Variants in MACROH2A1 observed in about 807,000 individuals in gnomAD.
MACROH2A1 encodes the protein core histone macro-H2A.1.
Under a neutral mutation model 31.6 loss-of-function variants are expected in MACROH2A1, and 2 were observed. The observed-to-expected ratio is 0.06, with a 90% CI of 0.03 to 0.20. The LOEUF (loss-of-function observed/expected upper bound fraction) is 0.20, where lower values mean the gene tolerates loss of function less well. Among genes scored for constraint, MACROH2A1 ranks in the 10% least tolerant of loss-of-function variants. The pLI, the probability that MACROH2A1 is intolerant of heterozygous loss-of-function variation, is 1.00. For synonymous variants in MACROH2A1, 169 were observed against 189.6 expected (o/e 0.89, Z 0.89); for missense variants, 230 against 474.0 (o/e 0.49, Z 4.78).
intron 2 of MACROH2A1, among the ~76,000 whole-genome samples, chr5:135,388,307 G>C (rs1766704428): frequency 6.6e-6 from 1 of 152,134 alleles, no homozygotes; most frequent in Non-Finnish European, 1.5e-5. Flanking sequence ...GAATGAGCAA[G>C]CAGAACATCT....
chr5:135,346,183 A>G, intron 6 of MACROH2A1, 126 bp from the exon 7 acceptor site: 1 of 698,106 alleles, frequency 1.4e-6, no homozygotes, highest in Non-Finnish European at 2.6e-6. Context: ...CAAAACAGGA[A>G]CTAAGCCTTG....
intron 1 of MACROH2A1, among the ~76,000 whole-genome samples, chr5:135,393,642 T>G (rs1767559103): frequency 6.6e-6 from 1 of 152,256 alleles, no homozygotes; most frequent in Non-Finnish European, 1.5e-5. Context: ...TGTTCTTCCT[T>G]CCTTCAGTAA....
chr5:135,373,425 G>A (rs1168324174), intron 2 of MACROH2A1, among the ~76,000 whole-genome samples: 1 of 152,168 alleles, frequency 6.6e-6, no homozygotes, highest in Non-Finnish European at 1.5e-5. Flanking sequence ...TTCTCCAGGA[G>A]CTAGAGGACA....
intron 2 of MACROH2A1, among the ~76,000 whole-genome samples, chr5:135,373,709 T>C (rs1201026881): frequency 6.6e-6 from 1 of 152,078 alleles, no homozygotes; most frequent in African/African-American, 2.4e-5. Flanking sequence ...AGCCCCAGAA[T>C]CCAAGACTCT....
At chr5:135,389,630 G>A (rs999735429) in intron 1 of MACROH2A1, among the ~76,000 whole-genome samples, 1 of 152,188 alleles carries the variant, frequency 6.6e-6, no homozygotes, top group African/African-American at 2.4e-5. Context: ...GTATAGTCAG[G>A]TTGCAGTAAG....
intron 2 of MACROH2A1, among the ~76,000 whole-genome samples, chr5:135,385,818 A>T (rs373331898): frequency 8.5e-5 from 13 of 152,238 alleles, no homozygotes; most frequent in African/African-American, 3.1e-4. Context: ...TACTCCTTGC[A>T]ACACTTTCAG....
At chr5:135,340,918 A>G (rs755259464) in intron 8 of MACROH2A1, among the ~76,000 whole-genome samples, 1 of 152,200 alleles carries the variant, frequency 6.6e-6, no homozygotes, top group Non-Finnish European at 1.5e-5. Flanking sequence ...GTGCTGCCTT[A>G]GGCATTTCCC....
At chr5:135,396,581 C>A (rs1446312411) in intron 1 of MACROH2A1, among the ~76,000 whole-genome samples, 1 of 151,996 alleles carries the variant, frequency 6.6e-6, no homozygotes. Flanking sequence ...TCCCCATCTG[C>A]CCTCCTTTGC....
At chr5:135,359,484 T>G (rs1762571750) in intron 5 of MACROH2A1, 1 of 983,790 alleles carries the variant, frequency 1.0e-6, no homozygotes, top group African/African-American at 1.7e-5. Flanking sequence ...AAAGAATGGT[T>G]AAAAATGTAA....
rs1451001816 is a variant in MACROH2A1, at chr5:135,398,247, T to C, written c.-34+815A>G. Among the ~76,000 whole-genome samples, 4 of 152,062 alleles carry C rather than the reference T, an allele frequency of 2.6e-5. No individual in the cohort carries two copies. The South Asian group carries it at 8.3e-4, about 32-fold the overall frequency. ...TCGCACACCTGTTGTCAGGTGACAC[T>C]GCCAGCAGCATCCTGCACACTCACC... On this transcript the variant is annotated intron_variant, in intron 1 of 8. Coordinates refer to ENST00000511689, the MANE Select transcript of MACROH2A1 (RefSeq NM_138610.3). The surrounding 1 kb of genome is among the most constrained non-coding windows in gnomAD (Gnocchi z 4.6).
chr5:135,350,229 A>C (rs1761350430), intron 6 of MACROH2A1, among the ~76,000 whole-genome samples: 2 of 152,306 alleles, frequency 1.3e-5, no homozygotes, highest in African/African-American at 4.8e-5. Flanking sequence ...GATGTTTCTC[A>C]TGAGTGGTCT....
chr5:135,389,242 T>A (rs1766863076), intron 1 of MACROH2A1, 116 bp from the exon 2 acceptor site: 2 of 632,812 alleles, frequency 3.2e-6, no homozygotes, highest in Non-Finnish European at 5.1e-6. Context: ...CCACTGTCTG[T>A]AGCTGCAGGG....
chr5:135,373,314 T>C (rs1224145214), intron 2 of MACROH2A1, among the ~76,000 whole-genome samples: 7 of 151,988 alleles, frequency 4.6e-5, no homozygotes, highest in African/African-American at 1.4e-4. Flanking sequence ...AAGAGTGTGG[T>C]TGGGCCCCTG....
chr5:135,339,877 A>T (rs1172699492), intron 8 of MACROH2A1, among the ~76,000 whole-genome samples: 1 of 152,198 alleles, frequency 6.6e-6, no homozygotes. Context: ...GGCAGCCCCA[A>T]AGTGGCCTCC....
intron 5 of MACROH2A1, chr5:135,359,748 T>A: frequency 3.1e-6 from 3 of 963,182 alleles, no homozygotes; most frequent in Non-Finnish European, 3.7e-6. Context: ...ATTCCTTTAA[T>A]TCTTTAAGTA....
intron 2 of MACROH2A1, among the ~76,000 whole-genome samples, chr5:135,372,391 A>G (rs1764279899): frequency 6.6e-6 from 1 of 152,244 alleles, no homozygotes; most frequent in Non-Finnish European, 1.5e-5. Flanking sequence ...ATCAGTCTCC[A>G]CAACGCTATT....
At chr5:135,356,132 G>A (rs1474748046) in intron 5 of MACROH2A1, 2 of 152,244 alleles carry the variant, frequency 1.3e-5, no homozygotes, top group African/African-American at 4.8e-5. Flanking sequence ...GGAATTTAAA[G>A]CAGCTATGAA....
At chr5:135,370,651 T>C (rs185455876) in intron 2 of MACROH2A1, among the ~76,000 whole-genome samples, 4 of 152,362 alleles carry the variant, frequency 2.6e-5, no homozygotes, top group Admixed American at 2.0e-4. Flanking sequence ...ACTGGAAGGA[T>C]GTGACTGGAT....
intron 5 of MACROH2A1, chr5:135,358,075 C>A (rs1380895657): frequency 6.1e-6 from 6 of 983,280 alleles, no homozygotes; most frequent in Admixed American, 6.1e-5. Context: ...AAATCCAAGT[C>A]AAAATTAATG....
Sources: allele counts gnomAD v4.1 joint callset (sites outside exome capture counted in the v4.1 genomes callset), GRCh38; gene constraint gnomAD v4.1.1; non-coding constraint Gnocchi (gnomAD v3.1); transcripts MANE v1.5; gene names NCBI Gene and HGNC (gene_info 2026-07-23, HGNC 2026-07-21).